NAALADL2: variants seen among roughly 807,000 people sequenced by gnomAD.
NAALADL2 encodes N-acetylated alpha-linked acidic dipeptidase like 2, also known as inactive N-acetylated-alpha-linked acidic dipeptidase-like protein 2.
NAALADL2 carries 76 observed loss-of-function variants against 87.2 expected under a neutral mutation model. The observed-to-expected ratio is 0.87, with a 90% CI of 0.72 to 1.05. NAALADL2 has a LOEUF of 1.05. Ranked by LOEUF, NAALADL2 falls within the 50% of genes least tolerant of loss-of-function variation. The pLI, the probability that NAALADL2 is intolerant of heterozygous loss-of-function variation, is 0.00. For synonymous variants in NAALADL2, 354 were observed against 331.0 expected (o/e 1.07, Z -0.75); for missense variants, 1,089 against 945.8 (o/e 1.15, Z -1.99).
At chr3:174,639,382 T>C (rs1207835809) in intron 2 of NAALADL2, among the ~76,000 whole-genome samples, 1 of 152,210 alleles carries the variant, frequency 6.6e-6, no homozygotes, top group East Asian at 1.9e-4. Context: ...ATGGGAGCTG[T>C]TTGGCACCAG....
At chr3:174,445,095 A>G (rs1714953954) in intron 1 of NAALADL2, among the ~76,000 whole-genome samples, 1 of 151,530 alleles carries the variant, frequency 6.6e-6, no homozygotes, top group Non-Finnish European at 1.5e-5. Flanking sequence ...AAGTCTTGGC[A>G]GGGGATGGTG....
chr3:174,686,259 T>A (rs1312018582), intron 2 of NAALADL2, among the ~76,000 whole-genome samples: 1 of 152,170 alleles, frequency 6.6e-6, no homozygotes, highest in Non-Finnish European at 1.5e-5. Flanking sequence ...TCTTCTGCAA[T>A]GGCTGAACTA....
At chr3:175,380,762 A>G (rs1342889573) in intron 5 of NAALADL2, among the ~76,000 whole-genome samples, 5 of 152,156 alleles carry the variant, frequency 3.3e-5, no homozygotes, top group Admixed American at 3.3e-4. Flanking sequence ...GAAAGTATAT[A>G]TTACAGATGC....
intron 1 of NAALADL2, among the ~76,000 whole-genome samples, chr3:174,877,839 C>G (rs1371834188): frequency 6.6e-6 from 1 of 151,890 alleles, no homozygotes; most frequent in Admixed American, 6.6e-5. Flanking sequence ...CGATTTTTCC[C>G]CATAAGAAAA....
At chr3:174,919,313 G>T (rs1396944675) in intron 1 of NAALADL2, among the ~76,000 whole-genome samples, 1 of 152,058 alleles carries the variant, frequency 6.6e-6, no homozygotes, top group South Asian at 2.1e-4. Flanking sequence ...ACAGTAGAAC[G>T]TCTTTCAAAA....
rs189085748 is a variant in NAALADL2, at chr3:175,603,925, T to C, written c.1801-23366T>C. On this transcript the variant is annotated intron_variant, in intron 10 of 13. Coordinates refer to ENST00000454872, the MANE Select transcript of NAALADL2 (RefSeq NM_207015.3). ...AGGAAGATCACCTGAGCCCAGGAGG[T>C]TGAGGCTGCGAGAACTATGATTGCA... is the stretch of plus-strand genomic sequence containing the variant. Among the ~76,000 whole-genome samples the C allele has an allele frequency of 8.8e-4, 134 of 152,010 alleles. 1 individual carries two copies. The highest frequency in any genetic ancestry group is 3.0e-3 in the African/African-American group (124 of 41,420).
chr3:174,853,762 A>G (rs1027539069), intron 3 of NAALADL2, among the ~76,000 whole-genome samples: 2 of 152,224 alleles, frequency 1.3e-5, no homozygotes, highest in African/African-American at 4.8e-5. Context: ...AAAATGGCCA[A>G]TAGGTATATG....
chr3:174,657,041 CTT>C (rs60569510), intron 2 of NAALADL2, among the ~76,000 whole-genome samples: 22 of 115,782 alleles, frequency 1.9e-4, no homozygotes, highest in African/African-American at 3.2e-4. Context: ...TTTCCTTCTT[CTT>C]TTTTTTTTTT....
At chr3:175,074,094 G>C (rs981450799) in intron 1 of NAALADL2, among the ~76,000 whole-genome samples, 7 of 151,976 alleles carry the variant, frequency 4.6e-5, no homozygotes, top group Admixed American at 1.3e-4. Flanking sequence ...CCTATGTCTA[G>C]AAGTGACTGG....
At chr3:175,419,781 G>A (rs1035471490) in intron 5 of NAALADL2, among the ~76,000 whole-genome samples, 2 of 151,890 alleles carry the variant, frequency 1.3e-5, no homozygotes, top group Non-Finnish European at 2.9e-5. Context: ...TTATATTGGG[G>A]AATGCAGTAG....
chr3:174,854,328 C>T (rs369373856), intron 3 of NAALADL2, among the ~76,000 whole-genome samples: 26 of 152,062 alleles, frequency 1.7e-4, no homozygotes, highest in African/African-American at 5.1e-4. Flanking sequence ...ACATACAAAA[C>T]GTAATTTGAA....
At chr3:174,685,298 A>G (rs761890324) in intron 2 of NAALADL2, among the ~76,000 whole-genome samples, 1 of 152,016 alleles carries the variant, frequency 6.6e-6, no homozygotes, top group Non-Finnish European at 1.5e-5. Flanking sequence ...CCCAGGCCCA[A>G]ATCTCATCAT....
At chr3:174,871,927 T>C (rs73174788) in intron 1 of NAALADL2, among the ~76,000 whole-genome samples, 17,799 of 152,052 alleles carry the variant, frequency 0.12, 1,154 homozygotes, top group Middle Eastern at 0.15. Flanking sequence ...AATAAATACC[T>C]TGTTTTAAGA....
intron 1 of NAALADL2, among the ~76,000 whole-genome samples, chr3:174,485,661 G>T (rs1489445389): frequency 6.6e-6 from 1 of 151,880 alleles, no homozygotes; most frequent in Non-Finnish European, 1.5e-5. Context: ...GCATTTCATG[G>T]TGTATATATA....
chr3:175,744,141 G>C (rs571395203), intron 12 of NAALADL2, among the ~76,000 whole-genome samples: 3 of 152,266 alleles, frequency 2.0e-5, no homozygotes, highest in Non-Finnish European at 2.9e-5. Flanking sequence ...CTCAGAATAG[G>C]CCAGGGAAAT....
At chr3:174,625,896 A>G (rs1221644062) in intron 2 of NAALADL2, among the ~76,000 whole-genome samples, 2 of 152,084 alleles carry the variant, frequency 1.3e-5, no homozygotes, top group African/African-American at 2.4e-5. Context: ...GAGGACTACT[A>G]TTCTTCACAA....
chr3:175,227,783 G>T (rs894938527), intron 2 of NAALADL2, among the ~76,000 whole-genome samples: 1 of 151,838 alleles, frequency 6.6e-6, no homozygotes, highest in African/African-American at 2.4e-5. Context: ...GTCAAAGAAG[G>T]CTGATTTAAA....
At chr3:174,708,532 A>G (rs1427988001) in intron 2 of NAALADL2, among the ~76,000 whole-genome samples, 1 of 152,176 alleles carries the variant, frequency 6.6e-6, no homozygotes. Flanking sequence ...AGGGACCATT[A>G]TGTTTGTGAA....
chr3:175,134,014 T>C (rs1459687436), intron 2 of NAALADL2, among the ~76,000 whole-genome samples: 2 of 152,218 alleles, frequency 1.3e-5, no homozygotes, highest in Admixed American at 6.5e-5. Context: ...ATCTGGCCTG[T>C]GACTAGTGGT....
Sources: gnomAD v4.1 joint callset for allele counts (sites outside exome capture counted in the v4.1 genomes callset) on GRCh38, gnomAD v4.1.1 for gene constraint, MANE v1.5 for transcripts, NCBI Gene and HGNC (gene_info 2026-07-23, HGNC 2026-07-21) for gene names.